ANK2: variants seen among roughly 807,000 people sequenced by gnomAD.
ANK2 encodes the protein ankyrin-2.
In ANK2, 83 loss-of-function variants were observed where a neutral mutation model predicts 360.5. The observed-to-expected ratio is 0.23, with a 90% CI of 0.19 to 0.28. The LOEUF (loss-of-function observed/expected upper bound fraction) is 0.28. ANK2 is among the 10% of genes least tolerant of loss of function. The probability of loss-of-function intolerance (pLI) is 1.00; values close to 1 mark genes in which losing one functional copy is unlikely to be tolerated. For synonymous variants in ANK2, 1,740 were observed against 1,759.5 expected, an observed-to-expected ratio of 0.99 and a Z score of 0.28; for missense variants, 4,201 against 4,795.7, an observed-to-expected ratio of 0.88 and a Z score of 3.66.
chr4:112,935,145 G>GTA (rs2093626051), intron 2 of ANK2, among the ~76,000 whole-genome samples: 1 of 147,644 alleles, frequency 6.8e-6, no homozygotes, highest in Non-Finnish European at 1.5e-5. Flanking sequence ...GTGTGTGTGT[G>GTA]TAGGGTGCAG....
intron 1 of ANK2, among the ~76,000 whole-genome samples, chr4:112,854,605 A>C (rs775905835): frequency 5.3e-5 from 8 of 152,202 alleles, no homozygotes; most frequent in Admixed American, 1.3e-4. Flanking sequence ...TAGTGACTAA[A>C]TGGCTGTCTG....
chr4:112,754,110 AGT>A, the ANK2 span, among the ~76,000 whole-genome samples: 1 of 63,498 alleles, frequency 1.6e-5, no homozygotes, highest in Non-Finnish European at 2.6e-5. Context: ...AAAAAAAAAA[AGT>A]ATATATATAT....
rs559432359 is a variant in ANK2, at chr4:113,028,045, A to C, written c.21+123531A>C. ...CTATTAAAATAGGTGACTGATGATAATCCATCAAACAAACATTTATTTAAC... is the reference window on the plus strand; with the variant it reads ...CTATTAAAATAGGTGACTGATGATACTCCATCAAACAAACATTTATTTAAC... On this transcript the variant is annotated intron_variant, in intron 2 of 30. Transcript: ENST00000503271. Among the ~76,000 whole-genome samples, 4 of 152,218 alleles carry C rather than the reference A, an allele frequency of 2.6e-5. No individual in the cohort carries two copies. In the South Asian group the frequency reaches 8.3e-4, roughly 32 times the overall value.
At chr4:113,204,486 T>A (rs1020787346) in intron 4 of ANK2, among the ~76,000 whole-genome samples, 8 of 152,228 alleles carry the variant, frequency 5.3e-5, no homozygotes, top group African/African-American at 1.9e-4. Flanking sequence ...GTCACTAAAC[T>A]ACAGCCCAGT....
At chr4:113,318,673 T>C in intron 26 of ANK2, 53 bp downstream of exon 26, 1 of 1,445,840 alleles carries the variant, frequency 6.9e-7, no homozygotes, top group Middle Eastern at 1.7e-4. Flanking sequence ...GAGATGGGAG[T>C]GAAAACAACA....
chr4:113,080,898 G>A (rs2082150173), intron 1 of ANK2, among the ~76,000 whole-genome samples: 2 of 152,106 alleles, frequency 1.3e-5, no homozygotes, highest in Non-Finnish European at 2.9e-5. Context: ...GATGGGCATA[G>A]GAAAGAGACA....
At chr4:112,718,376 G>A in the ANK2 span, among the ~76,000 whole-genome samples, 1 of 152,208 alleles carries the variant, frequency 6.6e-6, no homozygotes, top group Non-Finnish European at 1.5e-5. Context: ...GTGCAGTGAT[G>A]TGATCTTGGC....
At chr4:112,785,279 T>C in the ANK2 span, among the ~76,000 whole-genome samples, 42 of 152,330 alleles carry the variant, frequency 2.8e-4, 1 homozygote, top group African/African-American at 1.0e-3. Context: ...CAGTTTGGAT[T>C]ATTAACAACC....
chr4:113,272,359 G>C (rs1009988963), intron 14 of ANK2, among the ~76,000 whole-genome samples: 1 of 152,140 alleles, frequency 6.6e-6, no homozygotes, highest in Admixed American at 6.5e-5. Context: ...GGCTTCCCTC[G>C]TTTCTTTACC....
chr4:113,176,741 A>T (rs6852886), intron 2 of ANK2, among the ~76,000 whole-genome samples: 69,564 of 151,576 alleles, frequency 0.46, 16,255 homozygotes, highest in African/African-American at 0.55. Flanking sequence ...TAACTCGTCA[A>T]TTACATTAGG....
At chr4:112,976,573 T>A (rs1158940323) in intron 2 of ANK2, among the ~76,000 whole-genome samples, 1 of 152,212 alleles carries the variant, frequency 6.6e-6, no homozygotes, top group Non-Finnish European at 1.5e-5. Context: ...TAGGGCTGTT[T>A]CATTCAGTAG....
chr4:113,249,340 G>A (rs889034887), intron 9 of ANK2, among the ~76,000 whole-genome samples: 2 of 152,138 alleles, frequency 1.3e-5, no homozygotes, highest in African/African-American at 4.8e-5. Context: ...AAGTATATTA[G>A]AACAAACAAT....
chr4:113,085,605 C>A (rs1208097797), intron 1 of ANK2, among the ~76,000 whole-genome samples: 1 of 152,054 alleles, frequency 6.6e-6, no homozygotes, highest in Non-Finnish European at 1.5e-5. Context: ...CCGCGCCCGG[C>A]CTTGGAATTT....
chr4:113,109,424 G>A (rs7679106), intron 1 of ANK2, among the ~76,000 whole-genome samples: 68,354 of 151,814 alleles, frequency 0.45, 15,829 homozygotes, highest in East Asian at 0.55. Flanking sequence ...TGTAAGTCTC[G>A]GCAATAAAAC....
At chr4:113,013,637 TG>T (rs1310782435) in intron 2 of ANK2, among the ~76,000 whole-genome samples, 3 of 152,316 alleles carry the variant, frequency 2.0e-5, no homozygotes, top group Non-Finnish European at 4.4e-5. Context: ...AAAACATATA[TG>T]TGTTTCCTTG....
At chr4:113,166,595 T>A (rs2097763217) in intron 1 of ANK2, among the ~76,000 whole-genome samples, 3 of 152,040 alleles carry the variant, frequency 2.0e-5, no homozygotes, top group Non-Finnish European at 1.5e-5. Context: ...CCTACTAGTT[T>A]TTGTTTTTTT....
chr4:112,753,289 A>G, the ANK2 span, among the ~76,000 whole-genome samples: 10,074 of 152,318 alleles, frequency 0.066, 535 homozygotes, highest in African/African-American at 0.14. Context: ...TGAGCGGACT[A>G]GATAGCTGGA....
chr4:113,099,951 T>C lies in ANK2; in HGVS notation c.84+50139T>C, dbSNP rs116572220. 5.1e-3 allele frequency among the ~76,000 whole-genome samples: 770 copies of C among 152,170 alleles called. 5 individuals carry two copies. Among genetic ancestry groups the C allele is most frequent in the South Asian group, 8.9e-3 (43 of 4,828 alleles). On this transcript the variant is annotated intron_variant, in intron 1 of 45. Coordinates refer to ENST00000357077, the MANE Select transcript of ANK2 (RefSeq NM_001148.6). The stretch of plus-strand genomic sequence containing the variant: ...AAAAAGTGAATCTAGTGGCAGATAT[T>C]ATACTTTTCGCAAAAAGTGATGCAA...
chr4:112,896,344 T>C (rs984500641), intron 1 of ANK2, among the ~76,000 whole-genome samples: 1 of 152,226 alleles, frequency 6.6e-6, no homozygotes, highest in African/African-American at 2.4e-5. Context: ...GGGCAAATTC[T>C]CAAGTGTAAA....
Sources: allele counts gnomAD v4.1 joint callset (sites outside exome capture counted in the v4.1 genomes callset), GRCh38; gene constraint gnomAD v4.1.1; transcripts MANE v1.5; gene names NCBI Gene and HGNC (gene_info 2026-07-23, HGNC 2026-07-21).